VCL: variants seen among roughly 807,000 people sequenced by gnomAD.
VCL encodes the protein vinculin, also known as epididymis luminal protein 114.
A neutral mutation model predicts 125.7 loss-of-function variants in VCL; 47 were observed. That is an observed-to-expected ratio of 0.37 (90% CI 0.30 to 0.48). The LOEUF is 0.48. Among genes scored for constraint, VCL ranks in the 20% least tolerant of loss-of-function variants. The pLI, the probability that VCL is intolerant of heterozygous loss-of-function variation, is 0.99. For missense variants in VCL, 1,069 were observed against 1,455.5 expected, an observed-to-expected ratio of 0.73 and a Z score of 4.32; for synonymous variants, 458 against 514.6, an observed-to-expected ratio of 0.89 and a Z score of 1.49.
At chr10:74,064,049 C>T (rs758935692) in intron 2 of VCL, among the ~76,000 whole-genome samples, 2 of 152,170 alleles carry the variant, frequency 1.3e-5, no homozygotes, top group Non-Finnish European at 2.9e-5. Flanking sequence ...GTATTGGGTG[C>T]CTGGTATACC....
chr10:74,116,978 A>G (rs1200282803), intron 21 of VCL, among the ~76,000 whole-genome samples: 1 of 152,196 alleles, frequency 6.6e-6, no homozygotes, highest in Non-Finnish European at 1.5e-5. Context: ...ACTTAAAAAT[A>G]GCCAAGAATT....
downstream of VCL, chr10:74,120,277 T>G (rs1301441980): frequency 6.6e-6 from 1 of 152,212 alleles, no homozygotes; most frequent in East Asian, 1.9e-4. Context: ...AGATTTTTAT[T>G]TAATCCAAAT....
chr10:74,023,211 A>G (rs1026844432), intron 1 of VCL, among the ~76,000 whole-genome samples: 5 of 152,196 alleles, frequency 3.3e-5, no homozygotes, highest in African/African-American at 9.7e-5. Context: ...CCATAAGATA[A>G]TAATATATTT....
intron 2 of VCL, among the ~76,000 whole-genome samples, chr10:74,065,705 A>G (rs1841558929): frequency 6.6e-6 from 1 of 151,968 alleles, no homozygotes; most frequent in Non-Finnish European, 1.5e-5. Flanking sequence ...AGAAAAAAAA[A>G]GCAAGTTAAA....
intron 1 of VCL, among the ~76,000 whole-genome samples, chr10:74,019,327 G>A (rs981362436): frequency 6.6e-6 from 1 of 152,118 alleles, no homozygotes; most frequent in African/African-American, 2.4e-5. Context: ...ATGGTGGTTT[G>A]CTACACCTAT....
At chr10:74,112,332 G>A (rs1221217792) in intron 19 of VCL, among the ~76,000 whole-genome samples, 3 of 152,148 alleles carry the variant, frequency 2.0e-5, no homozygotes, top group African/African-American at 7.2e-5. Flanking sequence ...GATGAAGAGA[G>A]ATGGGGGGGG....
At chr10:74,086,056 G>A (rs1430990402) in intron 8 of VCL, among the ~76,000 whole-genome samples, 1 of 151,974 alleles carries the variant, frequency 6.6e-6, no homozygotes, top group East Asian at 1.9e-4. Flanking sequence ...TAATAGAGAC[G>A]GGGTTTCACC....
intron 14 of VCL, among the ~76,000 whole-genome samples, chr10:74,102,627 C>T (rs1194199869): frequency 6.6e-6 from 1 of 152,130 alleles, no homozygotes; most frequent in African/African-American, 2.4e-5. Context: ...GCCTGTGTGG[C>T]GTGTTAATAA....
At chr10:74,055,605 C>T (rs1420048943) in intron 2 of VCL, among the ~76,000 whole-genome samples, 5 of 152,036 alleles carry the variant, frequency 3.3e-5, no homozygotes, top group African/African-American at 1.2e-4. Flanking sequence ...AGTCAATCCT[C>T]CCAGAATACT....
chr10:74,057,079 GC>G (rs2136261266), intron 2 of VCL, among the ~76,000 whole-genome samples: 2 of 151,898 alleles, frequency 1.3e-5, no homozygotes, highest in East Asian at 3.9e-4. Flanking sequence ...AATAGCTGGG[GC>G]TACAGGTACA....
At chr10:74,086,429 G>A (rs1839773882) in intron 8 of VCL, among the ~76,000 whole-genome samples, 1 of 152,236 alleles carries the variant, frequency 6.6e-6, no homozygotes, top group African/African-American at 2.4e-5. Flanking sequence ...TTCTCCTGCT[G>A]AGAAGCAGTC....
At chr10:74,084,840 G>A (rs867637896) in intron 8 of VCL, among the ~76,000 whole-genome samples, 2 of 147,798 alleles carry the variant, frequency 1.4e-5, no homozygotes, top group African/African-American at 2.5e-5. Flanking sequence ...TCAAACTTCC[G>A]GCCTCAGGTG....
chr10:74,108,573 G>A (rs1840173655), intron 17 of VCL, among the ~76,000 whole-genome samples: 1 of 151,968 alleles, frequency 6.6e-6, no homozygotes, highest in African/African-American at 2.4e-5. Flanking sequence ...TCTGCCTCCC[G>A]GGTTCAAGCA....
chr10:74,089,172 A>T, intron 8 of VCL, 24 bp from the exon 9 acceptor site: 1 of 1,613,904 alleles, frequency 6.2e-7, no homozygotes, highest in Non-Finnish European at 8.5e-7. Context: ...GTGTACAATG[A>T]CAGCATGTGT....
intron 2 of VCL, among the ~76,000 whole-genome samples, chr10:74,069,322 G>A (rs1841624827): frequency 6.6e-6 from 1 of 152,184 alleles, no homozygotes; most frequent in Admixed American, 6.5e-5. Flanking sequence ...TTACAGGCAT[G>A]AGCCAACTGC....
intron 2 of VCL, among the ~76,000 whole-genome samples, chr10:74,044,134 T>G (rs1384010944): frequency 6.6e-6 from 1 of 152,018 alleles, no homozygotes; most frequent in East Asian, 1.9e-4. Flanking sequence ...TATTGTTTCA[T>G]ATTTTCAGTT....
At chr10:74,102,040 AT>A (rs10709887) in intron 14 of VCL, among the ~76,000 whole-genome samples, 110,156 of 150,812 alleles carry the variant, frequency 0.73, 40,945 homozygotes, top group Middle Eastern at 0.84. Context: ...TAATTTTTCT[AT>A]TTTTTAGTAG....
At chr10:74,110,662 A>G (rs1840206065) in intron 18 of VCL, among the ~76,000 whole-genome samples, 1 of 152,216 alleles carries the variant, frequency 6.6e-6, no homozygotes, top group African/African-American at 2.4e-5. Flanking sequence ...TGAATCCTCC[A>G]ACATCGTCAC....
In VCL at chr10:74,089,416, A is replaced by G. The variant is rs77279028; in HGVS notation, c.1176+67A>G. 4.6e-5 allele frequency: 73 copies of G among 1,598,758 alleles called. No individual in the cohort carries two copies. The East Asian group carries it at 9.4e-4, about 21-fold the overall frequency. On this transcript the variant is annotated intron_variant, in intron 9 of 21. Transcript: ENST00000211998. ...AAATATCCTAAGTCATAAATATCCT[A>G]TCTTTCTTCTCTGTCTCTTATCATT...
Sources: gnomAD v4.1 joint callset for allele counts (sites outside exome capture counted in the v4.1 genomes callset) on GRCh38, gnomAD v4.1.1 for gene constraint, MANE v1.5 for transcripts, NCBI Gene and HGNC (gene_info 2026-07-23, HGNC 2026-07-21) for gene names.